ASTN2: variants seen among roughly 807,000 people sequenced by gnomAD.
ASTN2 encodes astrotactin 2.
ASTN2 carries 54 observed loss-of-function variants against 139.8 expected under a neutral mutation model. The ratio of observed to expected loss-of-function variants is 0.39; its 90% confidence interval spans 0.31 to 0.48. ASTN2 has a LOEUF of 0.48. Ranked by LOEUF, ASTN2 falls within the 20% of genes least tolerant of loss-of-function variation. The pLI is 0.95. For synonymous variants in ASTN2, 756 were observed against 719.5 expected, an observed-to-expected ratio of 1.05 and a Z score of -0.81; for missense variants, 1,565 against 1,725.1, an observed-to-expected ratio of 0.91 and a Z score of 1.64.
Position 116,425,787 on chromosome 9 carries a change from C to G in ASTN2, c.*64G>C. 1 of 1,600,770 alleles carries G rather than the reference C, an allele frequency of 6.2e-7. No individual in the cohort carries two copies. The highest frequency in any genetic ancestry group is 2.3e-5 in the East Asian group (1 of 44,400). On this transcript the variant is annotated 3_prime_UTR_variant, in exon 23 of 23. Transcript: ENST00000313400. ...CCCCAGCCCACCCAGGCCCCAGGAT[C>G]CAGGAGAATACTGCTCCCCCTCCCA...
At chr9:116,933,979 C>CTTTTTTTTTTTTTTTTTTTGTTTT (rs1834988490) in intron 10 of ASTN2, among the ~76,000 whole-genome samples, 1 of 86,910 alleles carries the variant, frequency 1.2e-5, no homozygotes, top group Non-Finnish European at 2.2e-5. Flanking sequence ...AGTGTTAGTC[C>CTTTTTTTTTTTTTTTTTTTGTTTT]TTTTTTTTTT....
intron 2 of ASTN2, among the ~76,000 whole-genome samples, chr9:117,279,434 G>C (rs1278856471): frequency 1.3e-5 from 2 of 152,152 alleles, no homozygotes; most frequent in African/African-American, 4.8e-5. Flanking sequence ...CATTTGTATA[G>C]AGTTTGCATA....
At chr9:117,024,983 T>G (rs1319140276) in intron 6 of ASTN2, among the ~76,000 whole-genome samples, 1 of 152,136 alleles carries the variant, frequency 6.6e-6, no homozygotes, top group East Asian at 1.9e-4. Context: ...CCATGTAAGA[T>G]GTGACTTGCT....
intron 5 of ASTN2, among the ~76,000 whole-genome samples, chr9:117,041,847 T>C (rs553403644): frequency 2.0e-5 from 3 of 152,298 alleles, no homozygotes; most frequent in East Asian, 3.9e-4. Flanking sequence ...AATCCACTTG[T>C]TTCCTTGTCA....
chr9:116,426,141 G>C, intron 22 of ASTN2, 53 bp from the exon 23 acceptor site: 1 of 1,591,354 alleles, frequency 6.3e-7, no homozygotes, highest in Non-Finnish European at 8.5e-7. Context: ...TCAAGAGTTA[G>C]ACCTTTGAGG....
At chr9:116,818,641 G>A (rs2132267381) in intron 12 of ASTN2, among the ~76,000 whole-genome samples, 1 of 152,186 alleles carries the variant, frequency 6.6e-6, no homozygotes, top group East Asian at 1.9e-4. Flanking sequence ...TAGTGCATCA[G>A]GTCACTAGCA....
chr9:116,797,364 A>G (rs1830727337), intron 13 of ASTN2, among the ~76,000 whole-genome samples: 1 of 152,236 alleles, frequency 6.6e-6, no homozygotes, highest in Admixed American at 6.5e-5. Flanking sequence ...AGAAGATGTC[A>G]GAAAACCTTG....
chr9:116,482,446 T>C (rs1297638516), intron 20 of ASTN2, among the ~76,000 whole-genome samples: 2 of 152,164 alleles, frequency 1.3e-5, no homozygotes, highest in Non-Finnish European at 2.9e-5. Flanking sequence ...CTCAATAAAA[T>C]ATTATTACTA....
At chr9:116,948,795 T>TTTGTTTTTTTTTTTTTTTG (rs1273409925) in intron 10 of ASTN2, among the ~76,000 whole-genome samples, 2 of 117,880 alleles carry the variant, frequency 1.7e-5, no homozygotes, top group African/African-American at 3.8e-5. Flanking sequence ...GTTTTTTTTT[T>TTTGTTTTTTTTTTTTTTTG]TTTTTTTTTT....
intron 16 of ASTN2, among the ~76,000 whole-genome samples, chr9:116,722,001 G>A (rs1219453445): frequency 7.2e-5 from 11 of 152,152 alleles, no homozygotes; most frequent in Admixed American, 7.2e-4. Flanking sequence ...TACACACAGT[G>A]TTCTAGACAA....
intron 7 of ASTN2, among the ~76,000 whole-genome samples, chr9:117,003,953 C>CGTGTGTGTGT (rs3038371): frequency 6.8e-5 from 10 of 146,274 alleles, no homozygotes; most frequent in African/African-American, 2.6e-4. Flanking sequence ...CGCGCGCGCG[C>CGTGTGTGTGT]GTGTGTGTGT....
At chr9:116,686,810 A>C (rs1351070972) in intron 16 of ASTN2, 3 of 1,550,646 alleles carry the variant, frequency 1.9e-6, no homozygotes, top group Non-Finnish European at 1.7e-6. Flanking sequence ...GTTCATGGAT[A>C]AACTTGTCTC....
intron 20 of ASTN2, among the ~76,000 whole-genome samples, chr9:116,461,766 G>A (rs1170845303): frequency 6.6e-6 from 1 of 152,110 alleles, no homozygotes; most frequent in Non-Finnish European, 1.5e-5. Flanking sequence ...ACCTGTAGTA[G>A]GTATGTCCAG....
At chr9:117,147,528 T>C (rs1484136447) in intron 3 of ASTN2, among the ~76,000 whole-genome samples, 1 of 151,866 alleles carries the variant, frequency 6.6e-6, no homozygotes, top group Non-Finnish European at 1.5e-5. Context: ...ATGAAACGCA[T>C]ATGGGTTTGA....
At chr9:117,003,959 T>C (rs560499089) in intron 7 of ASTN2, among the ~76,000 whole-genome samples, 7,997 of 147,130 alleles carry the variant, frequency 0.054, 247 homozygotes, top group East Asian at 0.15. Context: ...CGCGCGTGTG[T>C]GTGTGTGTGT....
intron 19 of ASTN2, among the ~76,000 whole-genome samples, chr9:116,609,731 A>C (rs1215936391): frequency 6.6e-6 from 1 of 152,042 alleles, no homozygotes; most frequent in East Asian, 1.9e-4. Context: ...AAATACCGAA[A>C]AAATAATTAA....
intron 4 of ASTN2, among the ~76,000 whole-genome samples, chr9:117,138,468 C>A (rs539512049): frequency 6.6e-6 from 1 of 152,276 alleles, no homozygotes; most frequent in South Asian, 2.1e-4. Flanking sequence ...AAGTGCAGAG[C>A]AAATGATGTT....
intron 16 of ASTN2, among the ~76,000 whole-genome samples, chr9:116,672,774 C>A (rs1588171775): frequency 6.6e-6 from 1 of 152,194 alleles, no homozygotes; most frequent in African/African-American, 2.4e-5. Flanking sequence ...TTCAAAATAT[C>A]TTTTCATCTC....
intron 13 of ASTN2, 119 bp downstream of exon 13, chr9:116,805,513 T>C (rs1432644814): frequency 3.2e-6 from 3 of 928,994 alleles, no homozygotes; most frequent in Middle Eastern, 3.2e-4. Flanking sequence ...ACCTGTGAGC[T>C]TAAAGTGATG....
Sources: gnomAD v4.1 joint callset for allele counts (sites outside exome capture counted in the v4.1 genomes callset) on GRCh38, gnomAD v4.1.1 for gene constraint, MANE v1.5 for transcripts, NCBI Gene and HGNC (gene_info 2026-07-23, HGNC 2026-07-21) for gene names.